PCDH15: variants seen among roughly 807,000 people sequenced by gnomAD.
The protein encoded by PCDH15 is protocadherin related 15, also known as protocadherin-15.
PCDH15 carries 129 observed loss-of-function variants against 178.5 expected under a neutral mutation model. That is an observed-to-expected ratio of 0.72 (90% CI 0.63 to 0.84). The LOEUF (loss-of-function observed/expected upper bound fraction) is 0.84, where lower values mean the gene tolerates loss of function less well. PCDH15 is among the 40% of genes least tolerant of loss of function. The pLI, the probability that PCDH15 is intolerant of heterozygous loss-of-function variation, is 0.00. For synonymous variants in PCDH15, 800 were observed against 732.0 expected, an observed-to-expected ratio of 1.09 and a Z score of -1.50; for missense variants, 2,230 against 2,099.9, an observed-to-expected ratio of 1.06 and a Z score of -1.21.
intron 2 of PCDH15, among the ~76,000 whole-genome samples, chr10:55,368,250 T>G (rs1207561252): frequency 6.6e-6 from 1 of 152,142 alleles, no homozygotes; most frequent in East Asian, 1.9e-4. Context: ...CAATTTTCAG[T>G]GTACACATAA....
chr10:55,024,332 C>T (rs1290494937), intron 2 of PCDH15, among the ~76,000 whole-genome samples: 4 of 144,988 alleles, frequency 2.8e-5, no homozygotes, highest in Non-Finnish European at 6.0e-5. Context: ...TATATATTCC[C>T]ATATATAGGA....
intron 8 of PCDH15, among the ~76,000 whole-genome samples, chr10:54,252,861 T>A (rs2056601930): frequency 6.6e-6 from 1 of 152,066 alleles, no homozygotes; most frequent in Non-Finnish European, 1.5e-5. Context: ...TAATTTCTTA[T>A]TATTCTATTT....
At chr10:54,514,247 G>A (rs184659881) in intron 3 of PCDH15, among the ~76,000 whole-genome samples, 104 of 152,160 alleles carry the variant, frequency 6.8e-4, no homozygotes, top group African/African-American at 2.4e-3. Flanking sequence ...GAAAAACCCA[G>A]AAATAAATTA....
At chr10:54,170,439 T>A (rs2046772384) in intron 13 of PCDH15, among the ~76,000 whole-genome samples, 1 of 151,872 alleles carries the variant, frequency 6.6e-6, no homozygotes. Context: ...TTAGAGGCCC[T>A]CAAAATCACA....
intron 2 of PCDH15, among the ~76,000 whole-genome samples, chr10:54,581,672 TATACA>T (rs1331537101): frequency 6.6e-6 from 1 of 152,084 alleles, no homozygotes; most frequent in Non-Finnish European, 1.5e-5. Context: ...CGACTTCAGC[TATACA>T]ATAAGTCTAC....
chr10:55,335,639 C>T lies in PCDH15; in HGVS notation c.-155-168988G>A, dbSNP rs12764984. Among the ~76,000 whole-genome samples the T allele has an allele frequency of 2.6e-3, 399 of 152,156 alleles. 2 individuals are homozygous for T. The highest frequency in any genetic ancestry group is 6.8e-3 in the Middle Eastern group (2 of 294). ...AAGCATTAATGACAGGTTGGAAAGA[C>T]TGGAGAGATCAGAGTCACACAGGAA... is the stretch of plus-strand genomic sequence containing the variant. On this transcript the variant is annotated intron_variant, in intron 2 of 5. Transcript: ENST00000613346.
At chr10:54,435,767 G>A (rs563699041) in intron 3 of PCDH15, among the ~76,000 whole-genome samples, 52 of 151,982 alleles carry the variant, frequency 3.4e-4, no homozygotes, top group Admixed American at 2.0e-3. Flanking sequence ...TCAGGAAATC[G>A]AGACCATCCT....
intron 18 of PCDH15, among the ~76,000 whole-genome samples, chr10:54,043,187 G>A (rs1344580234): frequency 6.6e-6 from 1 of 152,066 alleles, no homozygotes; most frequent in East Asian, 1.9e-4. Flanking sequence ...AACTTACAGA[G>A]TTGATTGGTT....
At chr10:54,303,035 T>C (rs985092872) in intron 8 of PCDH15, among the ~76,000 whole-genome samples, 5 of 152,026 alleles carry the variant, frequency 3.3e-5, no homozygotes, top group African/African-American at 9.7e-5. Context: ...ATAAGAAAAA[T>C]AGGAAACTTT....
intron 2 of PCDH15, among the ~76,000 whole-genome samples, chr10:55,567,616 A>G (rs943322798): frequency 6.6e-6 from 1 of 152,052 alleles, no homozygotes; most frequent in Non-Finnish European, 1.5e-5. Flanking sequence ...ACCTGATTCA[A>G]AAATGGTCAA....
intron 23 of PCDH15, among the ~76,000 whole-genome samples, chr10:53,948,943 G>A (rs766452976): frequency 2.0e-5 from 3 of 152,038 alleles, no homozygotes; most frequent in Non-Finnish European, 2.9e-5. Flanking sequence ...TGTTTTACTT[G>A]GATCAAAATT....
intron 2 of PCDH15, among the ~76,000 whole-genome samples, chr10:54,578,640 T>C (rs1313500516): frequency 6.6e-6 from 1 of 152,182 alleles, no homozygotes; most frequent in Non-Finnish European, 1.5e-5. Flanking sequence ...GTGCAGCTCA[T>C]TTAGCTGTTG....
At chr10:55,142,973 G>A (rs1838395486) in intron 2 of PCDH15, among the ~76,000 whole-genome samples, 1 of 152,072 alleles carries the variant, frequency 6.6e-6, no homozygotes, top group African/African-American at 2.4e-5. Context: ...AGGCCTGGTG[G>A]GAGATGATTG....
At chr10:54,475,810 A>T (rs532512537) in intron 3 of PCDH15, among the ~76,000 whole-genome samples, 16 of 151,502 alleles carry the variant, frequency 1.1e-4, no homozygotes, top group African/African-American at 3.9e-4. Context: ...TTATTTCAAA[A>T]GTGGTAATAA....
chr10:54,290,771 A>G (rs965636442), intron 8 of PCDH15, among the ~76,000 whole-genome samples: 2 of 152,226 alleles, frequency 1.3e-5, no homozygotes, highest in African/African-American at 4.8e-5. Flanking sequence ...ACAGATTTTA[A>G]ACCAACAAAG....
intron 18 of PCDH15, among the ~76,000 whole-genome samples, chr10:54,047,284 A>G (rs933926919): frequency 6.6e-6 from 1 of 151,196 alleles, no homozygotes; most frequent in East Asian, 2.0e-4. Context: ...TGCCTGTCCC[A>G]TGAGTGGGTA....
In PCDH15 at chr10:55,060,724, T is replaced by C. The variant is rs922311809; in HGVS notation, c.-80+105852A>G. Among the ~76,000 whole-genome samples the C allele has an allele frequency of 4.6e-5, 7 of 152,182 alleles. No homozygotes were observed. In the East Asian group the frequency reaches 1.3e-3, roughly 29 times the overall value. On this transcript the variant is annotated intron_variant, in intron 2 of 5. Coordinates refer to the PCDH15 transcript ENST00000458638. ...TTGTTTTCAAAAAAACGATTTTATA[T>C]GCTAAGAAGTTTCTCATGGACTAAT... is the stretch of plus-strand genomic sequence containing the variant.
At chr10:53,848,233 A>G (rs1032448986) in intron 28 of PCDH15, among the ~76,000 whole-genome samples, 1 of 151,874 alleles carries the variant, frequency 6.6e-6, no homozygotes, top group Non-Finnish European at 1.5e-5. Context: ...TCAATTTGAC[A>G]AAACTTCTAG....
chr10:54,309,828 G>A (rs1180481488), intron 8 of PCDH15, among the ~76,000 whole-genome samples: 1 of 151,908 alleles, frequency 6.6e-6, no homozygotes, highest in Admixed American at 6.6e-5. Context: ...TATCTGCTAT[G>A]TGAAGCCAAT....
Sources: allele counts gnomAD v4.1 joint callset (sites outside exome capture counted in the v4.1 genomes callset), GRCh38; gene constraint gnomAD v4.1.1; transcripts MANE v1.5; gene names NCBI Gene and HGNC (gene_info 2026-07-23, HGNC 2026-07-21).